NMNAT1: variants seen among roughly 807,000 people sequenced by gnomAD.
The protein encoded by NMNAT1 is nicotinamide nucleotide adenylyltransferase 1, also known as nicotinamide/nicotinic acid mononucleotide adenylyltransferase 1.
NMNAT1 carries 11 observed loss-of-function variants against 16.7 expected under a neutral mutation model. The observed-to-expected ratio is 0.66, with a 90% CI of 0.41 to 1.09. The LOEUF is 1.09. Ranked by LOEUF, NMNAT1 falls within the 50% of genes least tolerant of loss-of-function variation. The pLI, the probability that NMNAT1 is intolerant of heterozygous loss-of-function variation, is 0.00. For synonymous variants in NMNAT1, 110 were observed against 119.8 expected (o/e 0.92, Z 0.53); for missense variants, 280 against 332.3 (o/e 0.84, Z 1.22).
chr1:9,982,794 C>A lies in NMNAT1; in HGVS notation c.*93C>A. ...GGGGAAAGAAGTTGTGATCTGTTGC[C>A]TAAACTAAAGCTTAAAAGTTTAGTA... On this transcript the variant is annotated 3_prime_UTR_variant, in exon 5 of 5. Coordinates refer to ENST00000377205, the MANE Select transcript of NMNAT1 (RefSeq NM_022787.4). 7.5e-7 allele frequency: 1 copy of A among 1,327,172 alleles called. No individual in the cohort carries two copies. Among genetic ancestry groups the A allele is most frequent in the African/African-American group, 1.5e-5 (1 of 67,968 alleles). 82.2% of individuals were successfully genotyped at this position (1,327,172 alleles called of 1,614,324 possible). A position where few individuals can be genotyped will look rare whatever the true frequency, so the allele number is the denominator to read the frequency against.
chr1:9,994,376 G>T, the NMNAT1 span, among the ~76,000 whole-genome samples: 2,588 of 151,860 alleles, frequency 0.017, 63 homozygotes, highest in African/African-American at 0.058. Flanking sequence ...GCCTCCCAAA[G>T]TGCTGGGATT....
intron 1 of NMNAT1, among the ~76,000 whole-genome samples, chr1:9,950,200 C>T (rs1028862888): frequency 6.6e-6 from 1 of 152,134 alleles, no homozygotes; most frequent in Non-Finnish European, 1.5e-5. Context: ...AAGTGATTCT[C>T]CTGCCTCAGC....
chr1:9,957,797 A>AT (rs1391882374), intron 1 of NMNAT1, among the ~76,000 whole-genome samples: 4 of 151,516 alleles, frequency 2.6e-5, no homozygotes, highest in African/African-American at 9.7e-5. Context: ...CAGTTTTCAG[A>AT]TTTTTTTTTA....
intron 1 of NMNAT1, among the ~76,000 whole-genome samples, chr1:9,944,962 A>T (rs1490543457): frequency 1.3e-5 from 2 of 152,196 alleles, no homozygotes; most frequent in Non-Finnish European, 2.9e-5. Flanking sequence ...GGCCGGGTGC[A>T]GTGGCTCATG....
downstream of NMNAT1, among the ~76,000 whole-genome samples, chr1:9,985,849 G>A (rs61782862): frequency 0.022 from 3,342 of 152,246 alleles, 112 homozygotes; most frequent in African/African-American, 0.075. Flanking sequence ...ATTCAGTAGA[G>A]ACAGGGTTTC....
chr1:9,959,094 G>A (rs866410433), intron 1 of NMNAT1, among the ~76,000 whole-genome samples: 11 of 152,238 alleles, frequency 7.2e-5, no homozygotes, highest in African/African-American at 1.7e-4. Context: ...AATCTTGGTC[G>A]GGCACAGTGG....
At chr1:9,986,593 CAT>C (rs1364955407), downstream of NMNAT1, among the ~76,000 whole-genome samples, 1 of 152,074 alleles carries the variant, frequency 6.6e-6, no homozygotes, top group Admixed American at 6.6e-5. Flanking sequence ...AAACAAAAAA[CAT>C]GTACTGGCTG....
chr1:9,984,901 T>C lies in NMNAT1; in HGVS notation c.*2200T>C, dbSNP rs1642024070. 1 of 152,098 alleles carries C rather than the reference T, an allele frequency of 6.6e-6. No homozygotes were observed. Among genetic ancestry groups the C allele is most frequent in the Non-Finnish European group, 1.5e-5 (1 of 68,026 alleles). The allele number at this position is 152,098 out of a possible 1,614,324, so 9.4% of individuals were successfully genotyped here. On this transcript the variant is annotated 3_prime_UTR_variant, in exon 5 of 5. Transcript: ENST00000377205. ...GATTGAGCCATGGGGATGGTTTAGGTTAAAGAATGCTTTTTTTTGGCCATC... is the reference window on the plus strand; with the variant it reads ...GATTGAGCCATGGGGATGGTTTAGGCTAAAGAATGCTTTTTTTTGGCCATC...
At chr1:9,981,636 G>T (rs1020899404) in intron 4 of NMNAT1, 2 of 157,048 alleles carry the variant, frequency 1.3e-5, no homozygotes, top group African/African-American at 4.8e-5. Flanking sequence ...CTCCCAAAGT[G>T]TTAGGATTAC....
intron 1 of NMNAT1, among the ~76,000 whole-genome samples, chr1:9,960,184 C>G (rs532661848): frequency 2.0e-5 from 3 of 152,202 alleles, no homozygotes; most frequent in Admixed American, 2.0e-4. Context: ...ACTTGGCAGG[C>G]TGAGGTGGGA....
intron 2 of NMNAT1, among the ~76,000 whole-genome samples, chr1:9,973,111 T>C (rs970218185): frequency 4.6e-5 from 7 of 152,044 alleles, no homozygotes; most frequent in African/African-American, 1.4e-4. Context: ...AGTTTTCTTT[T>C]TTCTTTCTTT....
chr1:9,988,529 C>A (rs1055786061), downstream of NMNAT1, among the ~76,000 whole-genome samples: 1 of 151,700 alleles, frequency 6.6e-6, no homozygotes, highest in Non-Finnish European at 1.5e-5. Context: ...GGTGAAACCC[C>A]GTCTCTAATA....
intron 1 of NMNAT1, among the ~76,000 whole-genome samples, chr1:9,966,153 G>A (rs1641537261): frequency 6.6e-6 from 1 of 150,798 alleles, no homozygotes; most frequent in African/African-American, 2.4e-5. Context: ...ACGAAAATTA[G>A]CCAGGCATGG....
intron 1 of NMNAT1, among the ~76,000 whole-genome samples, chr1:9,966,364 A>G (rs1019267858): frequency 3.9e-5 from 6 of 151,974 alleles, no homozygotes; most frequent in African/African-American, 9.7e-5. Flanking sequence ...TGTAATCCCA[A>G]CGCTGTGGGA....
At chr1:9,995,844 T>C in the NMNAT1 span, among the ~76,000 whole-genome samples, 2 of 143,240 alleles carry the variant, frequency 1.4e-5, no homozygotes, top group Non-Finnish European at 3.0e-5. Flanking sequence ...CTAGCCAACA[T>C]GATGAAACCC....
At chr1:9,972,392 A>G (rs1641709753) in intron 2 of NMNAT1, 1 of 367,038 alleles carries the variant, frequency 2.7e-6, no homozygotes, top group Non-Finnish European at 5.0e-6. Context: ...GCTACTCGGG[A>G]GGCTGAGGCA....
intron 1 of NMNAT1, among the ~76,000 whole-genome samples, chr1:9,948,647 C>A (rs1435084697): frequency 6.6e-6 from 1 of 150,932 alleles, no homozygotes; most frequent in Non-Finnish European, 1.5e-5. Context: ...AAAAATACTT[C>A]AGAATTTTTT....
intron 1 of NMNAT1, among the ~76,000 whole-genome samples, chr1:9,969,357 A>G (rs1641637746): frequency 6.6e-6 from 1 of 152,192 alleles, no homozygotes; most frequent in Middle Eastern, 3.2e-3. Context: ...TTAAGAGTGT[A>G]ATGGCAGAAG....
At chr1:9,975,374 G>C (rs147266679) in intron 2 of NMNAT1, among the ~76,000 whole-genome samples, 2 of 151,982 alleles carry the variant, frequency 1.3e-5, no homozygotes, top group African/African-American at 2.4e-5. Context: ...GGTGGCATGC[G>C]CCCGTAATCC....
Sources: gnomAD v4.1 joint callset for allele counts (sites outside exome capture counted in the v4.1 genomes callset) on GRCh38, gnomAD v4.1.1 for gene constraint, MANE v1.5 for transcripts, NCBI Gene and HGNC (gene_info 2026-07-23, HGNC 2026-07-21) for gene names.